Variants in RNF34 observed in about 807,000 individuals in gnomAD.
The protein encoded by RNF34 is E3 ubiquitin-protein ligase RNF34.
Under a neutral mutation model 37.9 loss-of-function variants are expected in RNF34, and 12 were observed. The observed-to-expected ratio is 0.32, with a 90% CI of 0.20 to 0.51. The LOEUF (loss-of-function observed/expected upper bound fraction) is 0.51, where lower values mean the gene tolerates loss of function less well. Among genes scored for constraint, RNF34 ranks in the 20% least tolerant of loss-of-function variants. The pLI, the probability that RNF34 is intolerant of heterozygous loss-of-function variation, is 0.97. For missense variants in RNF34, 362 were observed against 472.7 expected (o/e 0.77, Z 2.17); for synonymous variants, 155 against 177.2 (o/e 0.87, Z 1.00).
chr12:121,422,849 A>G (rs1872282310), intron 5 of RNF34, among the ~76,000 whole-genome samples: 1 of 152,236 alleles, frequency 6.6e-6, no homozygotes, highest in Non-Finnish European at 1.5e-5. Flanking sequence ...GGCCAGGAAC[A>G]CAGATGGCTT....
chr12:121,412,094 C>T (rs951831560), intron 1 of RNF34, among the ~76,000 whole-genome samples: 4 of 152,086 alleles, frequency 2.6e-5, no homozygotes, highest in African/African-American at 9.7e-5. Flanking sequence ...TGGAGTCTCG[C>T]TCTGTCACCC....
chr12:121,405,829 TGTTGC>T (rs1870477748), intron 1 of RNF34, among the ~76,000 whole-genome samples: 1 of 150,656 alleles, frequency 6.6e-6, no homozygotes, highest in African/African-American at 2.4e-5. Context: ...AGTCTTGCTC[TGTTGC>T]CCAGGCTGGA....
chr12:121,402,723 CTT>C, intron 1 of RNF34: 3 of 1,504,924 alleles, frequency 2.0e-6, no homozygotes, highest in Admixed American at 1.9e-5. Flanking sequence ...ATTCCTTTTC[CTT>C]TTTTTTTCTC....
chr12:121,407,120 A>G (rs1555280772), intron 1 of RNF34, among the ~76,000 whole-genome samples: 1 of 152,028 alleles, frequency 6.6e-6, no homozygotes, highest in South Asian at 2.1e-4. Flanking sequence ...TGTTAGAAAA[A>G]GGGTTATACT....
intron 1 of RNF34, among the ~76,000 whole-genome samples, chr12:121,408,247 C>T (rs1555280907): frequency 1.3e-5 from 2 of 152,094 alleles, no homozygotes. Flanking sequence ...TCGAGACCAG[C>T]CTGGCCAACA....
intron 1 of RNF34, among the ~76,000 whole-genome samples, chr12:121,412,271 G>A (rs1871149729): frequency 1.7e-5 from 2 of 115,744 alleles, no homozygotes; most frequent in African/African-American, 6.6e-5. Context: ...ATGGAGTCCC[G>A]CTCTGTTGCC....
rs1555282303 is a variant in RNF34 at position 121,417,156 on chromosome 12, G to A, written c.226-348G>A. Among the ~76,000 whole-genome samples, 1 of 152,240 alleles carries A rather than the reference G, an allele frequency of 6.6e-6. No homozygotes were observed. The highest frequency in any genetic ancestry group is 2.4e-5 in the African/African-American group (1 of 41,464). On this transcript the variant is annotated intron_variant, in intron 2 of 5. Coordinates refer to ENST00000361234, the MANE Select transcript of RNF34 (RefSeq NM_025126.4). This position sits in a 1 kb window ranked among gnomAD's most constrained non-coding sequence, Gnocchi z 5.0. ...TCTTTAAATGGAGGAAATTGTTCAT[G>A]TAGGAAAAGACCAGGAAGTGTGATT...
At position 121,423,411 on chromosome 12, in the gene RNF34, T is replaced by C; in HGVS notation, c.954T>C (p.Asp318=). 1 of 1,610,580 alleles carries C rather than the reference T, an allele frequency of 6.2e-7. No homozygotes were observed. The stretch of plus-strand genomic sequence containing the variant: ...ATGGCGAGCGGCTGCAGCTGCAGGA[T>C]GAGGAAGACGACAGCCTGTGTCGCA... ...KSYGERLQLQ[D]EEDDSLCRIC... The change falls in exon 6 of 6, where the codon GAT becomes GAC. Residue 318 remains aspartate, a synonymous_variant. Transcript: ENST00000361234. The surrounding 1 kb of genome is among the most constrained non-coding windows in gnomAD (Gnocchi z 4.3).
chr12:121,411,437 G>GA (rs1211408169), intron 1 of RNF34, among the ~76,000 whole-genome samples: 7 of 150,964 alleles, frequency 4.6e-5, no homozygotes, highest in Non-Finnish European at 5.9e-5. Flanking sequence ...CTGTGTAGTT[G>GA]AAAAAAAAAT....
At chr12:121,412,230 CTTTTTTTTTTTTTTTT>C (rs560473770) in intron 1 of RNF34, among the ~76,000 whole-genome samples, 1,472 of 49,702 alleles carry the variant, frequency 0.03, 46 homozygotes, top group African/African-American at 0.11. Flanking sequence ...CCCAACTAAT[CTTTTTTTTTTTTTTTT>C]TTTTTTTTTT....
chr12:121,400,277 C>CT, intron 1 of RNF34, 59 bp downstream of exon 1: 1 of 1,580,770 alleles, frequency 6.3e-7, no homozygotes, highest in Middle Eastern at 1.7e-4. Context: ...GCCAGGGCAC[C>CT]TGAAGCGCCT....
chr12:121,415,166 C>A, intron 1 of RNF34: 1 of 190,456 alleles, frequency 5.3e-6, no homozygotes, highest in Admixed American at 5.1e-5. Flanking sequence ...ACATTAAAAT[C>A]TATTCTGGTT....
At chr12:121,400,973 G>T (rs1869931751) in intron 1 of RNF34, among the ~76,000 whole-genome samples, 1 of 152,272 alleles carries the variant, frequency 6.6e-6, no homozygotes, top group African/African-American at 2.4e-5. Flanking sequence ...ACAGCAGTCA[G>T]TTCAGGGTAT....
chr12:121,411,432 T>C (rs1186686250), intron 1 of RNF34, among the ~76,000 whole-genome samples: 2 of 152,104 alleles, frequency 1.3e-5, no homozygotes, highest in African/African-American at 4.8e-5. Flanking sequence ...CAGAGCTGTG[T>C]AGTTGAAAAA....
intron 3 of RNF34, 113 bp downstream of exon 3, chr12:121,418,024 G>A: frequency 1.7e-6 from 2 of 1,152,460 alleles, no homozygotes; most frequent in Non-Finnish European, 2.5e-6. Context: ...ATGTGCTGGA[G>A]TGAAGCTTCC....
chr12:121,420,686 AT>A lies in RNF34; in HGVS notation c.840del (p.Phe280LeufsTer14), dbSNP rs1872051092. ...CAGCTGAAGGAAATTCTGGCTCGGA[AT>A]TTTGTCAACTATTCTGGCTGTTGTG... ...VRQLKEILAR[N>X]FVNYSGCCEK... On this transcript the variant is annotated frameshift_variant, in exon 5 of 6. Transcript: ENST00000361234. LOFTEE classifies it high-confidence loss of function. The A allele has an allele frequency of 1.2e-6, 2 of 1,614,048 alleles. No individual in the cohort carries two copies. The highest frequency in any genetic ancestry group is 1.7e-6 in the Non-Finnish European group (2 of 1,180,018).
rs1555279796 is a variant in RNF34 at position 121,400,125 on chromosome 12, G to A, written c.-88G>A. 30 of 1,493,790 alleles carry A rather than the reference G, an allele frequency of 2.0e-5. No individual in the cohort carries two copies. Among genetic ancestry groups the A allele is most frequent in the Non-Finnish European group, 2.7e-5 (30 of 1,106,822 alleles). 92.5% of individuals were successfully genotyped at this position (1,493,790 alleles called of 1,614,324 possible). A position where few individuals can be genotyped will look rare whatever the true frequency, so the allele number is the denominator to read the frequency against. On this transcript the variant is annotated 5_prime_UTR_variant, in exon 1 of 6. Coordinates refer to ENST00000361234, the MANE Select transcript of RNF34 (RefSeq NM_025126.4). ...CGCCTCCCGGGGCGCGGTAATCACCGCCCAGAGGGAAGGAGGTCGGCAGTG... is the reference window on the plus strand; with the variant it reads ...CGCCTCCCGGGGCGCGGTAATCACCACCCAGAGGGAAGGAGGTCGGCAGTG...
intron 1 of RNF34, chr12:121,415,378 CA>C: frequency 3.5e-6 from 1 of 288,204 alleles, no homozygotes; most frequent in South Asian, 2.7e-5. Context: ...CTGAGCACTT[CA>C]GGAGGCCAAG....
intron 5 of RNF34, among the ~76,000 whole-genome samples, chr12:121,421,672 T>C (rs904244262): frequency 1.6e-4 from 24 of 152,186 alleles, no homozygotes; most frequent in African/African-American, 5.3e-4. Context: ...GTTGTATTTA[T>C]TTTTTTCTTT....
Sources: allele counts gnomAD v4.1 joint callset (sites outside exome capture counted in the v4.1 genomes callset), GRCh38; gene constraint gnomAD v4.1.1; non-coding constraint Gnocchi (gnomAD v3.1); transcripts MANE v1.5; gene names NCBI Gene and HGNC (gene_info 2026-07-23, HGNC 2026-07-21).